The following NOX5 variants were observed in gnomAD, a reference collection of about 807,000 sequenced individuals.
The protein encoded by NOX5 is NADPH oxidase 5.
A neutral mutation model predicts 85.7 loss-of-function variants in NOX5; 76 were observed. That is an observed-to-expected ratio of 0.89 (90% CI 0.74 to 1.07). The LOEUF is 1.07. Among genes scored for constraint, NOX5 ranks in the 50% least tolerant of loss-of-function variants. The pLI is 0.00. For synonymous variants in NOX5, 405 were observed against 401.4 expected (o/e 1.01, Z -0.11); for missense variants, 973 against 999.5 (o/e 0.97, Z 0.36).
chr15:69,037,047 T>C lies in NOX5; in HGVS notation c.1208T>C (p.Leu403Pro). 6.2e-7 allele frequency: 1 copy of C among 1,613,770 alleles called. No individual in the cohort carries two copies. The highest frequency in any genetic ancestry group is 8.5e-7 in the Non-Finnish European group (1 of 1,179,914). The change falls in exon 8 of 16, where the codon CTG (leucine) becomes CCG (proline). Residue 403 changes from leucine to proline, a missense_variant. By Grantham distance (98) the Leu-to-Pro change is moderately conservative. Coordinates refer to ENST00000388866, the MANE Select transcript of NOX5 (RefSeq NM_024505.4). ...GHFEVFYWTH[L>P]SYLLVWLLLI... ...CCATAGGTGTTCTATTGGACTCACCTGTCCTACCTCCTCGTGTGGCTTCTG... is the reference window on the plus strand; with the variant it reads ...CCATAGGTGTTCTATTGGACTCACCCGTCCTACCTCCTCGTGTGGCTTCTG...
At chr15:69,051,761 C>G (rs952793555) in intron 14 of NOX5, among the ~76,000 whole-genome samples, 1 of 151,926 alleles carries the variant, frequency 6.6e-6, no homozygotes, top group African/African-American at 2.4e-5. Context: ...AGTGCTCAAC[C>G]TTTTTTCTGA....
intron 5 of NOX5, among the ~76,000 whole-genome samples, chr15:69,034,810 A>G (rs1342283354): frequency 6.6e-6 from 1 of 152,190 alleles, no homozygotes; most frequent in African/African-American, 2.4e-5. Context: ...TGGACTGATC[A>G]TAGGTTGCTG....
rs1253236995 is a variant in NOX5 at position 69,038,883 on chromosome 15, C to G, written c.1398C>G (p.Pro466=). ...TCACTCATCTCCTCATCAAGCGGCCCCCTTTTTTTCACTATAGACCTGGTG... is the reference window on the plus strand; with the variant it reads ...TCACTCATCTCCTCATCAAGCGGCCGCCTTTTTTTCACTATAGACCTGGTG... ...SKVTHLLIKR[P]PFFHYRPGDY... The change falls in exon 9 of 16, where the codon CCC becomes CCG. Residue 466 remains proline (P), a synonymous_variant. Transcript: ENST00000388866. The G allele has an allele frequency of 6.2e-7, 1 of 1,614,158 alleles. No individual in the cohort carries two copies. Among genetic ancestry groups the G allele is most frequent in the Non-Finnish European group, 8.5e-7 (1 of 1,180,016 alleles).
In NOX5 at chr15:69,038,988, A is replaced by G. The variant is rs142475179; in HGVS notation, c.1503A>G (p.Lys501=). The change falls in exon 9 of 16, where the codon AAA becomes AAG. Residue 501 remains lysine, a splice_region_variant and synonymous_variant. Coordinates refer to ENST00000388866, the MANE Select transcript of NOX5 (RefSeq NM_024505.4). ...CCATCAGCAGTGCTCCTGAGCAGAA[A>G]GGTAATGGCCACCTCCTCCAGTCAC... The part of the protein sequence containing the change: ...PFTISSAPEQ[K]DTIWLHIRSQ... 1,628 of 1,614,102 alleles carry G rather than the reference A, an allele frequency of 1.0e-3. 3 individuals are homozygous for G. The highest frequency in any genetic ancestry group is 1.3e-3 in the Non-Finnish European group (1,539 of 1,180,012).
chr15:69,061,608 A>G lies in NOX5; in HGVS notation c.*4912A>G, dbSNP rs2050871390. The G allele has an allele frequency of 6.6e-6, 1 of 152,262 alleles. No individual in the cohort carries two copies. Among genetic ancestry groups the G allele is most frequent in the South Asian group, 2.1e-4 (1 of 4,836 alleles). The allele number at this position is 152,262 out of a possible 1,614,324, so 9.4% of individuals were successfully genotyped here. Reference sequence around the variant, plus strand: ...TAAGATTAATTCAGACAAGACATTTATTTTATGAGGAAATTCATCCCAGGG... The same window carrying G: ...TAAGATTAATTCAGACAAGACATTTGTTTTATGAGGAAATTCATCCCAGGG... On this transcript the variant is annotated 3_prime_UTR_variant, in exon 16 of 16. Transcript: ENST00000388866.
At chr15:69,017,773 T>C (rs62010827) in intron 1 of NOX5, among the ~76,000 whole-genome samples, 1 of 148,282 alleles carries the variant, frequency 6.7e-6, no homozygotes, top group Non-Finnish European at 1.5e-5. Context: ...TGATATATTT[T>C]ATACACACAC....
intron 14 of NOX5, among the ~76,000 whole-genome samples, chr15:69,051,281 G>A (rs563801233): frequency 4.6e-5 from 7 of 152,292 alleles, no homozygotes; most frequent in South Asian, 2.1e-4. Context: ...TGATAGTCCC[G>A]TGCCACCTGC....
At position 69,048,950 on chromosome 15, in the gene NOX5, T is replaced by G. The variant is rs533699909; in HGVS notation, c.1900-9T>G. The G allele has an allele frequency of 6.2e-7, 1 of 1,606,966 alleles. No homozygotes were observed. Among genetic ancestry groups the G allele is most frequent in the Non-Finnish European group, 8.5e-7 (1 of 1,176,656 alleles). The stretch of plus-strand genomic sequence containing the variant: ...CCCAGCCTCTGAGCTGAAGGGCCTC[T>G]CTCCGTAGGTGGACTTTATCTGGAT... On this transcript the variant is annotated splice_polypyrimidine_tract_variant and intron_variant, in intron 13 of 15. Coordinates refer to ENST00000388866, the MANE Select transcript of NOX5 (RefSeq NM_024505.4).
In NOX5 at chr15:69,031,607, G is replaced by A; in HGVS notation, c.415G>A (p.Gly139Ser). Residue 139 changes from glycine (G) to serine (S), a missense_variant, in exon 4 of 16, where the codon GGC becomes AGC. By Grantham distance (56) the Gly-to-Ser change is moderately conservative. Coordinates refer to ENST00000388866, the MANE Select transcript of NOX5 (RefSeq NM_024505.4). ...TTCATCCCCACTCGGGACAGGCAGT[G>A]GCTCCATTGACCCGGATGAGCTGCG... ...WASSPLGTGS[G>S]SIDPDELRTV... 6.2e-7 allele frequency: 1 copy of A among 1,613,338 alleles called. No homozygotes were observed. Among genetic ancestry groups the A allele is most frequent in the Non-Finnish European group, 8.5e-7 (1 of 1,180,026 alleles).
chr15:69,037,136 G>A lies in NOX5; in HGVS notation c.1297G>A (p.Glu433Lys), dbSNP rs768244574. 2.5e-6 allele frequency: 4 copies of A among 1,613,976 alleles called. No individual in the cohort carries two copies. Among genetic ancestry groups the A allele is most frequent in the Admixed American group, 1.7e-5 (1 of 60,006 alleles). Residue 433 changes from glutamate (E) to lysine (K), a missense_variant, in exon 8 of 16, where the codon GAG becomes AAG. By Grantham distance (56) the Glu-to-Lys change is moderately conservative. Coordinates refer to ENST00000388866, the MANE Select transcript of NOX5 (RefSeq NM_024505.4). ...LLVPGILFFL[E>K]KAIGLAVSRM... is the part of the protein sequence containing the mutation. ...GGTGCCTGGAATCTTGTTTTTCCTG[G>A]AGAAGGCCATCGGACTGGCAGTGTC...
chr15:69,014,697 C>A lies in NOX5; in HGVS notation c.-39C>A. On this transcript the variant is annotated 5_prime_UTR_variant, in exon 1 of 16. Transcript: ENST00000388866. Reference sequence around the variant, plus strand: ...ACAGTGCAGGCAGCTCAATGGACAGCAGTCTTTCTGGGACCTGTGATCTAG... The same window carrying A: ...ACAGTGCAGGCAGCTCAATGGACAGAAGTCTTTCTGGGACCTGTGATCTAG... The A allele has an allele frequency of 3.2e-6, 5 of 1,549,724 alleles. No homozygotes were observed. Among genetic ancestry groups the A allele is most frequent in the Non-Finnish European group, 4.4e-6 (5 of 1,146,334 alleles).
chr15:69,050,385 T>A (rs527421315), intron 14 of NOX5, among the ~76,000 whole-genome samples: 111 of 152,318 alleles, frequency 7.3e-4, no homozygotes, highest in African/African-American at 2.5e-3. Context: ...TTCTTTGTAA[T>A]GCAGGTCTGC....
intron 14 of NOX5, among the ~76,000 whole-genome samples, chr15:69,050,693 G>T (rs548326588): frequency 6.6e-6 from 1 of 152,266 alleles, no homozygotes; most frequent in Non-Finnish European, 1.5e-5. Context: ...TGGATTTTAT[G>T]TTATTTCTTT....
chr15:69,032,013 T>C (rs747937007), intron 4 of NOX5, among the ~76,000 whole-genome samples: 6 of 149,498 alleles, frequency 4.0e-5, no homozygotes, highest in Non-Finnish European at 8.9e-5. Context: ...CAGAATCAAC[T>C]CAAGGTCTGA....
intron 1 of NOX5, among the ~76,000 whole-genome samples, chr15:69,018,267 C>A (rs1000109545): frequency 6.6e-6 from 1 of 151,908 alleles, no homozygotes; most frequent in African/African-American, 2.4e-5. Flanking sequence ...GCCTGGGGAC[C>A]GGGTACTTGC....
chr15:69,026,819 C>T (rs1160277487), intron 2 of NOX5, among the ~76,000 whole-genome samples, 168 bp downstream of exon 2: 1 of 152,212 alleles, frequency 6.6e-6, no homozygotes, highest in African/African-American at 2.4e-5. Context: ...TCTTAATAGT[C>T]ATGGCCTCCT....
Position 69,037,220 on chromosome 15 carries a change from TG to T in NOX5, c.1371+15del. On this transcript the variant is annotated intron_variant, in intron 8 of 15. Transcript: ENST00000388866. ...CCTCCTCCCCTCCAAGGTACAAAGG[TG>T]GGGGATGGGGAGGTGCTTTTCCAAC... is the stretch of plus-strand genomic sequence containing the variant. The T allele has an allele frequency of 6.2e-7, 1 of 1,609,146 alleles. No homozygotes were observed. Among genetic ancestry groups the T allele is most frequent in the Non-Finnish European group, 8.5e-7 (1 of 1,177,558 alleles).
Position 69,031,789 on chromosome 15 carries a change from A to C in NOX5, c.597A>C (p.Gly199=). ...ELRDELQRFP[G]VMENLTISAA... Reference sequence around the variant, plus strand: ...GGGACGAGCTGCAGCGCTTCCCCGGAGTCATGGAGAACCTGACCATCAGGT... The same window carrying C: ...GGGACGAGCTGCAGCGCTTCCCCGGCGTCATGGAGAACCTGACCATCAGGT... The change falls in exon 4 of 16, where the codon GGA becomes GGC. Residue 199 remains glycine, a synonymous_variant. Coordinates refer to ENST00000388866, the MANE Select transcript of NOX5 (RefSeq NM_024505.4). The C allele has an allele frequency of 6.2e-7, 1 of 1,602,758 alleles. No individual in the cohort carries two copies. The highest frequency in any genetic ancestry group is 8.5e-7 in the Non-Finnish European group (1 of 1,171,582).
At chr15:69,019,505 T>C (rs2050272635) in intron 1 of NOX5, among the ~76,000 whole-genome samples, 1 of 152,192 alleles carries the variant, frequency 6.6e-6, no homozygotes, top group Admixed American at 6.5e-5. Flanking sequence ...AATGAAGAGT[T>C]TTCAAAGATT....
Sources: allele counts gnomAD v4.1 joint callset (sites outside exome capture counted in the v4.1 genomes callset), GRCh38; gene constraint gnomAD v4.1.1; transcripts MANE v1.5; gene names NCBI Gene and HGNC (gene_info 2026-07-23, HGNC 2026-07-21).